OOSP4B: variants seen among roughly 807,000 people sequenced by gnomAD.
OOSP4B encodes oocyte-secreted protein 4B.
intron 3 of OOSP4B, among the ~76,000 whole-genome samples, chr11:60,028,114 C>T (rs1211058222): frequency 6.6e-6 from 1 of 150,970 alleles, no homozygotes; most frequent in Non-Finnish European, 1.5e-5. Context: ...TCATATTCAC[C>T]TTTTAATTAT....
exon 3 of OOSP4B, chr11:60,024,944 A>T (rs1854732114): frequency 1.0e-5 from 4 of 398,270 alleles, no homozygotes; most frequent in Non-Finnish European, 1.8e-5. Context: ...ATTATCAGAG[A>T]TCAGTTACAA....
At chr11:60,022,626 G>C (rs1441210146) in intron 1 of OOSP4B, among the ~76,000 whole-genome samples, 1 of 152,148 alleles carries the variant, frequency 6.6e-6, no homozygotes, top group East Asian at 1.9e-4. Context: ...ACTGCCAACT[G>C]TCCTGGGATT....
At chr11:60,020,761 A>G (rs1014624680) in intron 1 of OOSP4B, among the ~76,000 whole-genome samples, 4 of 152,242 alleles carry the variant, frequency 2.6e-5, no homozygotes, top group Non-Finnish European at 4.4e-5. Flanking sequence ...GAGGGCTGCC[A>G]GCACGCTGTC....
chr11:60,020,851 A>G (rs1230411094), intron 1 of OOSP4B, among the ~76,000 whole-genome samples: 2 of 152,210 alleles, frequency 1.3e-5, no homozygotes, highest in South Asian at 4.1e-4. Context: ...TGGAGGTTGC[A>G]GTGAGCTGAG....
exon 1 of OOSP4B, chr11:60,017,390 C>A (rs1854638776): frequency 7.5e-6 from 3 of 398,616 alleles, no homozygotes; most frequent in Non-Finnish European, 1.3e-5. Flanking sequence ...GAGTCTGGAG[C>A]AATGAAGACC....
intron 1 of OOSP4B, among the ~76,000 whole-genome samples, chr11:60,018,048 T>C (rs952193679): frequency 6.6e-6 from 1 of 152,146 alleles, no homozygotes; most frequent in Non-Finnish European, 1.5e-5. Context: ...TAGGAATGTA[T>C]AGTGTCTTAA....
At chr11:60,018,221 C>G (rs143568338) in intron 1 of OOSP4B, among the ~76,000 whole-genome samples, 11 of 152,308 alleles carry the variant, frequency 7.2e-5, no homozygotes, top group Admixed American at 2.6e-4. Context: ...AGCCTATGGA[C>G]TTTCTCCTGT....
chr11:60,023,963 G>A (rs1854720062), exon 2 of OOSP4B: 2 of 398,412 alleles, frequency 5.0e-6, no homozygotes, highest in Non-Finnish European at 8.8e-6. Flanking sequence ...CATTAGAATT[G>A]GCGACATACA....
At chr11:60,020,866 C>T (rs769871907) in intron 1 of OOSP4B, among the ~76,000 whole-genome samples, 1 of 152,200 alleles carries the variant, frequency 6.6e-6, no homozygotes, top group Non-Finnish European at 1.5e-5. Context: ...GCTGAGATCT[C>T]ACCACTGCAC....
intron 3 of OOSP4B, among the ~76,000 whole-genome samples, chr11:60,026,013 G>A (rs1367261387): frequency 6.6e-6 from 1 of 151,992 alleles, no homozygotes; most frequent in Non-Finnish European, 1.5e-5. Context: ...CATGTCTTTT[G>A]TTCATTTTTA....
chr11:60,018,961 A>C (rs538651585), intron 1 of OOSP4B, among the ~76,000 whole-genome samples: 2 of 152,210 alleles, frequency 1.3e-5, no homozygotes, highest in Admixed American at 6.5e-5. Context: ...TCACGCCTGT[A>C]ATCTCAGCAC....
rs1854637984 is a variant in OOSP4B at position 60,017,309 on chromosome 11, G to A, written c.-83G>A. On this transcript the variant is annotated 5_prime_UTR_variant, in exon 1 of 5. The change creates a premature stop within an existing upstream ORF in the 5' untranslated region. Transcript: ENST00000642343. ...AGGGTAATTGCAGACAGCTGAATGTGGCCAAAGGTTTATAAGCACTCAAGG... is the reference window on the plus strand; with the variant it reads ...AGGGTAATTGCAGACAGCTGAATGTAGCCAAAGGTTTATAAGCACTCAAGG... 2 of 398,570 alleles carry A rather than the reference G, an allele frequency of 5.0e-6. No individual in the cohort carries two copies. The highest frequency in any genetic ancestry group is 4.4e-6 in the Non-Finnish European group (1 of 226,076). The allele number at this position is 398,570 out of a possible 1,614,324, so 24.7% of individuals were successfully genotyped here. A position where few individuals can be genotyped will look rare whatever the true frequency, so the allele number is the denominator to read the frequency against.
intron 1 of OOSP4B, among the ~76,000 whole-genome samples, chr11:60,022,744 T>G (rs896947669): frequency 1.4e-5 from 2 of 144,758 alleles, no homozygotes; most frequent in African/African-American, 2.6e-5. Flanking sequence ...GAAGATGTGG[T>G]TTTTTTTTTT....
intron 1 of OOSP4B, among the ~76,000 whole-genome samples, chr11:60,021,864 G>C (rs1854693398): frequency 6.6e-6 from 1 of 151,712 alleles, no homozygotes; most frequent in African/African-American, 2.4e-5. Context: ...CATGCCTGTA[G>C]TCCTAGCTAC....
chr11:60,028,725 G>T (rs945544435), intron 3 of OOSP4B, among the ~76,000 whole-genome samples: 8 of 152,216 alleles, frequency 5.3e-5, no homozygotes, highest in Non-Finnish European at 8.8e-5. Flanking sequence ...TGCTGGGATA[G>T]AGTAATGGTA....
chr11:60,028,777 T>C (rs981059468), intron 3 of OOSP4B, among the ~76,000 whole-genome samples: 2 of 152,192 alleles, frequency 1.3e-5, no homozygotes, highest in Non-Finnish European at 2.9e-5. Context: ...CTGAAATTGT[T>C]GTAGGGGTCT....
At chr11:60,025,648 G>A (rs1014168633) in intron 3 of OOSP4B, among the ~76,000 whole-genome samples, 7 of 152,100 alleles carry the variant, frequency 4.6e-5, no homozygotes, top group East Asian at 1.9e-4. Context: ...CATTAGATAC[G>A]TATTATTTGA....
At position 60,017,195 on chromosome 11, in the gene OOSP4B, A is replaced by G. The variant is rs763483122; in HGVS notation, c.-197A>G. The G allele has an allele frequency of 7.6e-6, 3 of 394,904 alleles. No individual in the cohort carries two copies. Among genetic ancestry groups the G allele is most frequent in the Middle Eastern group, 6.4e-4 (1 of 1,568 alleles). 24.5% of individuals were successfully genotyped at this position (394,904 alleles called of 1,614,324 possible). ...CGTCTAACAAGCTCCCAGGTTGCCTATGGCACAGGTGAAGTGTTGCAGCTA... is the reference window on the plus strand; with the variant it reads ...CGTCTAACAAGCTCCCAGGTTGCCTGTGGCACAGGTGAAGTGTTGCAGCTA... On this transcript the variant is annotated 5_prime_UTR_variant, in exon 1 of 5. An upstream start codon of the reference 5' UTR is lost. Transcript: ENST00000642343.
At chr11:60,026,152 G>A (rs777178290) in intron 3 of OOSP4B, among the ~76,000 whole-genome samples, 69 of 152,052 alleles carry the variant, frequency 4.5e-4, no homozygotes, top group Non-Finnish European at 9.1e-4. Context: ...ATGAGCAGAC[G>A]TCTTTAATTT....
Sources: allele counts gnomAD v4.1 joint callset (sites outside exome capture counted in the v4.1 genomes callset), GRCh38; gene constraint gnomAD v4.1.1; transcripts MANE v1.5; gene names NCBI Gene and HGNC (gene_info 2026-07-23, HGNC 2026-07-21).